The following GNB4 variants were observed in gnomAD, a reference collection of about 807,000 sequenced individuals.
GNB4 encodes the protein G protein subunit beta 4, also known as guanine nucleotide-binding protein subunit beta-4.
GNB4 carries 28 observed loss-of-function variants against 45.2 expected under a neutral mutation model. That is an observed-to-expected ratio of 0.62 (90% CI 0.46 to 0.85). The LOEUF is 0.85. Ranked by LOEUF, GNB4 falls within the 40% of genes least tolerant of loss-of-function variation. GNB4 has a pLI of 0.00. For missense variants in GNB4, 321 were observed against 425.4 expected, an observed-to-expected ratio of 0.75 and a Z score of 2.16; for synonymous variants, 132 against 143.7, an observed-to-expected ratio of 0.92 and a Z score of 0.58.
chr3:179,509,712 A>G, the GNB4 span, among the ~76,000 whole-genome samples: 3 of 148,244 alleles, frequency 2.0e-5, no homozygotes, highest in Non-Finnish European at 4.5e-5. Flanking sequence ...CTTTAGATAT[A>G]TTAAGACTAT....
the GNB4 span, among the ~76,000 whole-genome samples, chr3:179,519,919 A>C: frequency 6.6e-6 from 1 of 152,182 alleles, no homozygotes; most frequent in Non-Finnish European, 1.5e-5. Context: ...GGTCTTTTAA[A>C]GCCTATAAAC....
chr3:179,466,701 C>A, the GNB4 span, among the ~76,000 whole-genome samples: 2 of 152,176 alleles, frequency 1.3e-5, no homozygotes, highest in East Asian at 3.8e-4. Context: ...AAATGACTGA[C>A]TTCCTGCATG....
chr3:179,490,415 G>A, the GNB4 span, among the ~76,000 whole-genome samples: 38 of 152,296 alleles, frequency 2.5e-4, no homozygotes, highest in Non-Finnish European at 3.5e-4. Flanking sequence ...AGATAGGTAC[G>A]TAGGTAGGTA....
At chr3:179,460,504 GA>G in the GNB4 span, among the ~76,000 whole-genome samples, 9 of 151,800 alleles carry the variant, frequency 5.9e-5, no homozygotes, top group African/African-American at 1.9e-4. Context: ...AATTTAAGAA[GA>G]AAAAAAAGTT....
chr3:179,520,288 C>T, the GNB4 span, among the ~76,000 whole-genome samples: 1 of 151,894 alleles, frequency 6.6e-6, no homozygotes, highest in Non-Finnish European at 1.5e-5. Flanking sequence ...TTACCTATCT[C>T]GGCATAATTC....
the GNB4 span, among the ~76,000 whole-genome samples, chr3:179,507,177 C>G: frequency 6.6e-6 from 1 of 152,214 alleles, no homozygotes; most frequent in African/African-American, 2.4e-5. Context: ...TGCCACTACC[C>G]TAGTTTAGAC....
chr3:179,435,535 T>G (rs1715423275), intron 1 of GNB4, among the ~76,000 whole-genome samples: 1 of 149,778 alleles, frequency 6.7e-6, no homozygotes, highest in South Asian at 2.1e-4. Flanking sequence ...CAACCAATAG[T>G]AATTTTTGCT....
At chr3:179,492,493 G>A in the GNB4 span, among the ~76,000 whole-genome samples, 1 of 152,040 alleles carries the variant, frequency 6.6e-6, no homozygotes, top group Non-Finnish European at 1.5e-5. Flanking sequence ...AGCAGCCCTG[G>A]TACCTCCTTG....
chr3:179,462,405 A>T, the GNB4 span, among the ~76,000 whole-genome samples: 2 of 152,222 alleles, frequency 1.3e-5, no homozygotes, highest in Admixed American at 1.3e-4. Flanking sequence ...CAGATTTGAC[A>T]ATAAGCATGG....
At chr3:179,424,652 T>A (rs937845503) in intron 2 of GNB4, among the ~76,000 whole-genome samples, 1 of 152,192 alleles carries the variant, frequency 6.6e-6, no homozygotes, top group Non-Finnish European at 1.5e-5. Context: ...TTTGTCCAGT[T>A]AGAATGCAGT....
chr3:179,471,051 T>C, the GNB4 span, among the ~76,000 whole-genome samples: 9 of 151,720 alleles, frequency 5.9e-5, no homozygotes, highest in South Asian at 2.1e-4. Context: ...TTGTGGTGGG[T>C]GCCTGTAGTC....
chr3:179,460,024 T>C, the GNB4 span, among the ~76,000 whole-genome samples: 1 of 152,258 alleles, frequency 6.6e-6, no homozygotes. Context: ...TAGCTACTTA[T>C]TGTTCTTCCT....
the GNB4 span, among the ~76,000 whole-genome samples, chr3:179,505,268 T>C: frequency 3.0e-3 from 459 of 152,254 alleles, 4 homozygotes; most frequent in African/African-American, 0.011. Context: ...GATTGAGAGC[T>C]ATGGAAGAGA....
chr3:179,445,987 A>T (rs1233236382), intron 1 of GNB4, among the ~76,000 whole-genome samples: 1 of 152,256 alleles, frequency 6.6e-6, no homozygotes, highest in Non-Finnish European at 1.5e-5. Flanking sequence ...TATTTCAGCA[A>T]GTCAGTAGCA....
intron 1 of GNB4, among the ~76,000 whole-genome samples, chr3:179,444,930 T>G (rs951785141): frequency 6.6e-6 from 1 of 152,124 alleles, no homozygotes; most frequent in Non-Finnish European, 1.5e-5. Flanking sequence ...AATGACAAAT[T>G]TTCATATTTT....
intron 8 of GNB4, among the ~76,000 whole-genome samples, chr3:179,406,578 T>C (rs972186316): frequency 6.6e-6 from 1 of 152,174 alleles, no homozygotes; most frequent in Non-Finnish European, 1.5e-5. Context: ...TTGATACTCT[T>C]AAATTCAACA....
rs1247330140 is a variant in GNB4 at position 179,413,314 on chromosome 3, GTAAGAATCCT to G, written c.699+88_699+97del. On this transcript the variant is annotated intron_variant, in intron 8 of 9. Transcript: ENST00000232564. Reference sequence around the variant, plus strand: ...TCAAAGTTATAAGAGCACATTACTTGTAAGAATCCTTGAAGGCAATTTGTTGTTAAAATCA... The same window carrying G: ...TCAAAGTTATAAGAGCACATTACTTGTGAAGGCAATTTGTTGTTAAAATCA... 5 of 902,502 alleles carry G rather than the reference GTAAGAATCCT, an allele frequency of 5.5e-6. No individual in the cohort carries two copies. In the East Asian group the frequency reaches 1.3e-4, roughly 23 times the overall value. The allele number at this position is 902,502 out of a possible 1,614,324, so 55.9% of individuals were successfully genotyped here. A position where few individuals can be genotyped will look rare whatever the true frequency, so the allele number is the denominator to read the frequency against.
At chr3:179,520,923 T>C in the GNB4 span, among the ~76,000 whole-genome samples, 2 of 152,102 alleles carry the variant, frequency 1.3e-5, no homozygotes, top group Admixed American at 1.3e-4. Flanking sequence ...GCCCGCCTCT[T>C]AGAACCTCTC....
the GNB4 span, among the ~76,000 whole-genome samples, chr3:179,481,008 G>A: frequency 2.0e-5 from 3 of 151,764 alleles, no homozygotes; most frequent in African/African-American, 2.4e-5. Flanking sequence ...CCGCCACCAC[G>A]CCCGGCTAAT....
Sources: allele counts gnomAD v4.1 joint callset (sites outside exome capture counted in the v4.1 genomes callset), GRCh38; gene constraint gnomAD v4.1.1; transcripts MANE v1.5; gene names NCBI Gene and HGNC (gene_info 2026-07-23, HGNC 2026-07-21).